The following LPIN2 variants were observed in gnomAD, a reference collection of about 807,000 sequenced individuals.
LPIN2 encodes phosphatidate phosphatase LPIN2.
A neutral mutation model predicts 111.4 loss-of-function variants in LPIN2; 55 were observed. The ratio of observed to expected loss-of-function variants is 0.49; its 90% confidence interval spans 0.40 to 0.62. The LOEUF (loss-of-function observed/expected upper bound fraction) is 0.62, where lower values mean the gene tolerates loss of function less well. Among genes scored for constraint, LPIN2 ranks in the 20% least tolerant of loss-of-function variants. LPIN2 has a pLI of 0.00. For synonymous variants in LPIN2, 425 were observed against 414.0 expected, an observed-to-expected ratio of 1.03 and a Z score of -0.32; for missense variants, 992 against 1,112.1, an observed-to-expected ratio of 0.89 and a Z score of 1.54.
In LPIN2 at chr18:2,920,013, C is replaced by G; in HGVS notation, c.*280G>C. 2 of 534,752 alleles carry G rather than the reference C, an allele frequency of 3.7e-6. No homozygotes were observed. The highest frequency in any genetic ancestry group is 6.8e-6 in the Non-Finnish European group (2 of 295,584). 33.1% of individuals were successfully genotyped at this position (534,752 alleles called of 1,614,324 possible). Reference sequence around the variant, plus strand: ...TTTAAAATGATGCAATGGAAGGAGGCCCCAGCTCACAGCAGGAAACATGTG... The same window carrying G: ...TTTAAAATGATGCAATGGAAGGAGGGCCCAGCTCACAGCAGGAAACATGTG... On this transcript the variant is annotated 3_prime_UTR_variant, in exon 20 of 20. Transcript: ENST00000677752.
At chr18:2,937,241 T>C (rs1457105438) in intron 7 of LPIN2, among the ~76,000 whole-genome samples, 2 of 151,932 alleles carry the variant, frequency 1.3e-5, no homozygotes, top group East Asian at 3.9e-4. Flanking sequence ...TGGAAAGCAA[T>C]TGTAAGAAAG....
intron 1 of LPIN2, among the ~76,000 whole-genome samples, chr18:2,980,082 T>C (rs977296173): frequency 2.0e-5 from 3 of 152,198 alleles, no homozygotes; most frequent in African/African-American, 7.2e-5. Flanking sequence ...AAGCCCAAAG[T>C]TACTAGCTAT....
At chr18:2,996,599 T>G (rs1399058993) in intron 1 of LPIN2, among the ~76,000 whole-genome samples, 1 of 142,520 alleles carries the variant, frequency 7.0e-6, no homozygotes, top group Non-Finnish European at 1.5e-5. Flanking sequence ...TGCCTCAGCC[T>G]CCCGAGTAGC....
chr18:2,951,272 A>T lies in LPIN2; in HGVS notation c.373T>A (p.Ser125Thr). 6.2e-7 allele frequency: 1 copy of T among 1,614,000 alleles called. No homozygotes were observed. Among genetic ancestry groups the T allele is most frequent in the African/African-American group, 1.3e-5 (1 of 74,984 alleles). ...TGAGATGGTGTTTCATCTCCACCCG[A>T]TTTCACCAAAGGGGTGTCAATATCT... ...FKDIDTPLVK[S>T]GGDETPSQSS... is the part of the protein sequence containing the mutation. Residue 125 changes from serine (S) to threonine (T), a missense_variant, in exon 4 of 20, where the codon TCG (serine) becomes ACG (threonine). By Grantham distance (58) the Ser-to-Thr change is moderately conservative. Coordinates refer to ENST00000677752, the MANE Select transcript of LPIN2 (RefSeq NM_001375808.2).
intron 1 of LPIN2, among the ~76,000 whole-genome samples, chr18:2,993,935 G>C (rs1448240503): frequency 6.6e-6 from 1 of 152,202 alleles, no homozygotes; most frequent in Non-Finnish European, 1.5e-5. Flanking sequence ...TCTATGGTTA[G>C]TCTGCAGACC....
chr18:2,945,778 G>A (rs1055553971), intron 4 of LPIN2: 7 of 1,261,748 alleles, frequency 5.5e-6, no homozygotes, highest in Non-Finnish European at 8.1e-6. Flanking sequence ...GCTTCTACTC[G>A]ACTAAGTTCT....
chr18:2,959,480 G>A (rs2143189002), intron 2 of LPIN2, among the ~76,000 whole-genome samples: 1 of 152,306 alleles, frequency 6.6e-6, no homozygotes, highest in African/African-American at 2.4e-5. Context: ...AGAAAATGGT[G>A]AGGCTCTTTT....
chr18:2,957,479 T>G (rs1443185121), intron 2 of LPIN2, among the ~76,000 whole-genome samples: 2 of 152,208 alleles, frequency 1.3e-5, no homozygotes, highest in Non-Finnish European at 2.9e-5. Context: ...GCATTTCAGA[T>G]AAGGGATACT....
At chr18:2,940,754 C>CGA in intron 4 of LPIN2, 42 bp from the exon 5 acceptor site, 1 of 1,196,068 alleles carries the variant, frequency 8.4e-7, no homozygotes, top group Non-Finnish European at 1.2e-6. Flanking sequence ...CGATGACATT[C>CGA]TTGTCAGCTT....
intron 1 of LPIN2, among the ~76,000 whole-genome samples, chr18:2,991,718 T>A (rs1419272965): frequency 6.6e-6 from 1 of 151,412 alleles, no homozygotes; most frequent in Non-Finnish European, 1.5e-5. Context: ...TCTCAAAAAA[T>A]AATAATAATA....
chr18:2,943,200 T>G (rs599267), intron 4 of LPIN2, among the ~76,000 whole-genome samples: 17 of 148,256 alleles, frequency 1.1e-4, no homozygotes, highest in East Asian at 3.9e-4. Context: ...CTCAGTTTTT[T>G]TTCTGTTTTG....
intron 10 of LPIN2, 133 bp from the exon 11 acceptor site, chr18:2,928,793 C>CTGAA (rs2077173018): frequency 1.3e-6 from 1 of 774,430 alleles, no homozygotes; most frequent in South Asian, 1.5e-5. Context: ...AGATGATCAG[C>CTGAA]TGAATTTTTT....
At chr18:2,941,092 TGC>T (rs1421743270) in intron 4 of LPIN2, among the ~76,000 whole-genome samples, 1 of 152,212 alleles carries the variant, frequency 6.6e-6, no homozygotes. Context: ...TTTAGTAACT[TGC>T]TCAAAGTCAA....
chr18:2,984,581 G>A (rs537807510), intron 1 of LPIN2, among the ~76,000 whole-genome samples: 1 of 151,318 alleles, frequency 6.6e-6, no homozygotes, highest in South Asian at 2.1e-4. Flanking sequence ...AACCTAAGAA[G>A]GTGAAAAAAA....
At chr18:2,954,071 G>A (rs1432963593) in intron 3 of LPIN2, among the ~76,000 whole-genome samples, 1 of 152,120 alleles carries the variant, frequency 6.6e-6, no homozygotes, top group Non-Finnish European at 1.5e-5. Flanking sequence ...CTCAAGGTGA[G>A]GGATGTAATA....
chr18:2,976,905 A>G (rs1400618959), intron 1 of LPIN2, among the ~76,000 whole-genome samples: 1 of 152,154 alleles, frequency 6.6e-6, no homozygotes, highest in Non-Finnish European at 1.5e-5. Flanking sequence ...CCCCAAGACT[A>G]ATTAATCACA....
rs578155632 is a variant in LPIN2 at position 2,987,337 on chromosome 18, T to C, written c.-10+25750A>G. On this transcript the variant is annotated intron_variant, in intron 1 of 19. Transcript: ENST00000677752. ...CAGTGCTGGGTTCCTATACTCCAGA[T>C]CAAAAAGTGAGATAGCTTAAAGCTT... 1.3e-3 allele frequency among the ~76,000 whole-genome samples: 203 copies of C among 152,164 alleles called. 1 individual carries two copies. Among genetic ancestry groups the C allele is most frequent in the African/African-American group, 4.7e-3 (194 of 41,494 alleles).
At chr18:3,009,430 G>A (rs887363141) in intron 1 of LPIN2, among the ~76,000 whole-genome samples, 2 of 151,466 alleles carry the variant, frequency 1.3e-5, no homozygotes, top group African/African-American at 4.9e-5. Context: ...ATAAAAATAA[G>A]TACCATTTTT....
At chr18:2,957,027 T>C (rs977503741) in intron 2 of LPIN2, among the ~76,000 whole-genome samples, 12 of 152,254 alleles carry the variant, frequency 7.9e-5, no homozygotes, top group African/African-American at 2.7e-4. Flanking sequence ...ACTAATTTGA[T>C]GTATGAAATT....
Sources: allele counts gnomAD v4.1 joint callset (sites outside exome capture counted in the v4.1 genomes callset), GRCh38; gene constraint gnomAD v4.1.1; transcripts MANE v1.5; gene names NCBI Gene and HGNC (gene_info 2026-07-23, HGNC 2026-07-21).